UNC13C: variants seen among roughly 807,000 people sequenced by gnomAD.
The protein encoded by UNC13C is protein unc-13 homolog C.
Under a neutral mutation model 245.4 loss-of-function variants are expected in UNC13C, and 174 were observed. That is an observed-to-expected ratio of 0.71 (90% CI 0.63 to 0.80). UNC13C has a LOEUF of 0.80. UNC13C is among the 30% of genes least tolerant of loss of function. The pLI, the probability that UNC13C is intolerant of heterozygous loss-of-function variation, is 0.00. For synonymous variants in UNC13C, 992 were observed against 895.1 expected, an observed-to-expected ratio of 1.11 and a Z score of -1.93; for missense variants, 2,829 against 2,602.9, an observed-to-expected ratio of 1.09 and a Z score of -1.89.
At chr15:54,564,726 T>G (rs981745721) in intron 29 of UNC13C, among the ~76,000 whole-genome samples, 8 of 151,930 alleles carry the variant, frequency 5.3e-5, no homozygotes, top group African/African-American at 1.9e-4. Flanking sequence ...ACAAGGTATA[T>G]TAATAAACGA....
intron 23 of UNC13C, among the ~76,000 whole-genome samples, chr15:54,507,693 T>C (rs1894534263): frequency 6.6e-6 from 1 of 152,056 alleles, no homozygotes; most frequent in African/African-American, 2.4e-5. Context: ...CAAACTAGTA[T>C]TGCAACTTAA....
At chr15:54,503,668 C>A (rs1362501487) in intron 22 of UNC13C, among the ~76,000 whole-genome samples, 2 of 151,936 alleles carry the variant, frequency 1.3e-5, no homozygotes, top group Non-Finnish European at 2.9e-5. Flanking sequence ...TCATTATCAG[C>A]ATTTCTATCT....
Position 54,628,577 on chromosome 15 carries a change from A to G in UNC13C, c.*1464A>G, listed in dbSNP as rs1192202995. The G allele has an allele frequency of 6.6e-6, 1 of 152,624 alleles. No individual in the cohort carries two copies. The highest frequency in any genetic ancestry group is 1.5e-5 in the Non-Finnish European group (1 of 68,032). The allele number at this position is 152,624 out of a possible 1,614,324, so 9.5% of individuals were successfully genotyped here. On this transcript the variant is annotated 3_prime_UTR_variant, in exon 33 of 33. Transcript: ENST00000260323. ...GATGCGATCCTCTGGCATATGCTTT[A>G]ATAAATGGATGTATATTGAGCACAT...
intron 4 of UNC13C, among the ~76,000 whole-genome samples, chr15:54,155,638 A>G (rs1302552171): frequency 6.6e-6 from 1 of 152,226 alleles, no homozygotes; most frequent in Non-Finnish European, 1.5e-5. Flanking sequence ...TGAAAACATC[A>G]GAATCTCATT....
At chr15:54,454,125 A>T (rs1158699301) in intron 19 of UNC13C, among the ~76,000 whole-genome samples, 2 of 85,464 alleles carry the variant, frequency 2.3e-5, no homozygotes, top group African/African-American at 5.5e-5. Flanking sequence ...TTTTATTGTG[A>T]TATATATATA....
chr15:54,492,879 G>A (rs2141085262), intron 19 of UNC13C, among the ~76,000 whole-genome samples: 1 of 152,258 alleles, frequency 6.6e-6, no homozygotes, highest in Middle Eastern at 3.4e-3. Flanking sequence ...GACACAGGAG[G>A]AAAAATGTTC....
intron 4 of UNC13C, among the ~76,000 whole-genome samples, chr15:54,170,378 G>A (rs1362075130): frequency 6.6e-6 from 1 of 152,024 alleles, no homozygotes; most frequent in Non-Finnish European, 1.5e-5. Flanking sequence ...TCAACTCCTA[G>A]CTCCACATTT....
At chr15:54,262,207 A>G (rs1043662508) in intron 8 of UNC13C, among the ~76,000 whole-genome samples, 2 of 152,232 alleles carry the variant, frequency 1.3e-5, no homozygotes, top group Admixed American at 6.5e-5. Context: ...GAATTTAGAA[A>G]AATAATCCAA....
At chr15:54,444,920 C>T (rs941528031) in intron 19 of UNC13C, among the ~76,000 whole-genome samples, 10 of 151,456 alleles carry the variant, frequency 6.6e-5, no homozygotes, top group Admixed American at 2.6e-4. Context: ...CACTCATTAA[C>T]TCATCCTTTA....
chr15:54,423,182 T>C (rs2040688126), intron 19 of UNC13C, among the ~76,000 whole-genome samples: 1 of 151,760 alleles, frequency 6.6e-6, no homozygotes, highest in South Asian at 2.1e-4. Flanking sequence ...GTCATAACCC[T>C]CTAAATTGAT....
the UNC13C span, among the ~76,000 whole-genome samples, chr15:53,856,987 A>G: frequency 0.61 from 93,262 of 151,882 alleles, 28,922 homozygotes; most frequent in East Asian, 0.76. Context: ...ATATATTTAG[A>G]ATAGTTAGTT....
At chr15:54,484,692 T>G (rs1893313270) in intron 19 of UNC13C, among the ~76,000 whole-genome samples, 1 of 152,114 alleles carries the variant, frequency 6.6e-6, no homozygotes. Context: ...GAAGGCAAAT[T>G]CAGAAAAGCT....
Position 54,525,587 on chromosome 15 carries a change from G to A in UNC13C, c.5496G>A (p.Gln1832=). ...CTAGTACTATTCTAAAAGAACTTCA[G>A]GTTAAGCTCAGTGGGGTCCTGGATG... is the stretch of plus-strand genomic sequence containing the variant. ...SEASTILKEL[Q]VKLSGVLDEL... The change falls in exon 25 of 33, where the codon CAG becomes CAA. Residue 1832 remains glutamine (Q), a synonymous_variant. Coordinates refer to ENST00000260323, the MANE Select transcript of UNC13C (RefSeq NM_001080534.3). The A allele has an allele frequency of 1.2e-6, 2 of 1,613,112 alleles. No individual in the cohort carries two copies. Among genetic ancestry groups the A allele is most frequent in the South Asian group, 1.1e-5 (1 of 90,816 alleles).
chr15:53,955,300 C>T, the UNC13C span, among the ~76,000 whole-genome samples: 67,060 of 147,238 alleles, frequency 0.46, 14,905 homozygotes, highest in East Asian at 0.61. Flanking sequence ...CACACACACA[C>T]ATAAAACTAG....
At chr15:53,939,352 T>C in the UNC13C span, among the ~76,000 whole-genome samples, 1 of 152,106 alleles carries the variant, frequency 6.6e-6, no homozygotes, top group Non-Finnish European at 1.5e-5. Context: ...ATAAATACTC[T>C]ACCAACCAAA....
intron 29 of UNC13C, among the ~76,000 whole-genome samples, chr15:54,562,381 A>G (rs1897328870): frequency 6.6e-6 from 1 of 152,150 alleles, no homozygotes; most frequent in South Asian, 2.1e-4. Flanking sequence ...TATATTTTCT[A>G]GCATATTATA....
chr15:53,960,044 G>A, the UNC13C span, among the ~76,000 whole-genome samples: 1 of 152,110 alleles, frequency 6.6e-6, no homozygotes, highest in African/African-American at 2.4e-5. Flanking sequence ...ATAACAGTGA[G>A]ATCACCCTCT....
intron 15 of UNC13C, among the ~76,000 whole-genome samples, chr15:54,332,757 T>A (rs1358801958): frequency 6.6e-6 from 1 of 152,090 alleles, no homozygotes; most frequent in African/African-American, 2.4e-5. Flanking sequence ...TAGTAATAAC[T>A]AATAGATGCT....
At chr15:54,574,901 A>T (rs529630852) in intron 30 of UNC13C, among the ~76,000 whole-genome samples, 3 of 152,306 alleles carry the variant, frequency 2.0e-5, no homozygotes, top group Admixed American at 6.5e-5. Context: ...GCAGATAGTT[A>T]CTGATTCCCA....
Sources: allele counts gnomAD v4.1 joint callset (sites outside exome capture counted in the v4.1 genomes callset), GRCh38; gene constraint gnomAD v4.1.1; transcripts MANE v1.5; gene names NCBI Gene and HGNC (gene_info 2026-07-23, HGNC 2026-07-21).